The following EXOC4 variants were observed in gnomAD, a reference collection of about 807,000 sequenced individuals.
EXOC4 encodes exocyst complex component 4, also known as SEC8-like 1.
A neutral mutation model predicts 107.2 loss-of-function variants in EXOC4; 71 were observed. That is an observed-to-expected ratio of 0.66 (90% CI 0.55 to 0.81). The LOEUF is 0.81. EXOC4 is among the 30% of genes least tolerant of loss of function. The pLI is 0.00. For synonymous variants in EXOC4, 456 were observed against 441.2 expected (o/e 1.03, Z -0.42); for missense variants, 1,108 against 1,189.6 (o/e 0.93, Z 1.01).
At chr7:133,913,481 A>C (rs1057213169) in intron 12 of EXOC4, among the ~76,000 whole-genome samples, 1 of 152,200 alleles carries the variant, frequency 6.6e-6, no homozygotes, top group Non-Finnish European at 1.5e-5. Context: ...AATATAGGTT[A>C]ATAGCAGTGA....
rs111285661 is a variant in EXOC4 at position 133,539,902 on chromosome 7, T to G, written c.1417+59764T>G. Among the ~76,000 whole-genome samples, 244 of 152,194 alleles carry G rather than the reference T, an allele frequency of 1.6e-3. 1 individual carries two copies. The highest frequency in any genetic ancestry group is 5.7e-3 in the African/African-American group (237 of 41,540). ...AATGTCTATATGCTCTCCCAGAAGA[T>G]TCTAAGGAGGCATGCCCTAGGGGCA... On this transcript the variant is annotated intron_variant, in intron 9 of 17. Transcript: ENST00000253861.
chr7:133,583,421 C>A (rs562008091), intron 9 of EXOC4, among the ~76,000 whole-genome samples: 28 of 152,196 alleles, frequency 1.8e-4, no homozygotes, highest in African/African-American at 6.3e-4. Context: ...AATGGTGGCA[C>A]CCCAGGGACT....
chr7:133,780,200 C>G (rs1796434215), intron 10 of EXOC4, among the ~76,000 whole-genome samples: 1 of 151,086 alleles, frequency 6.6e-6, no homozygotes, highest in South Asian at 2.1e-4. Flanking sequence ...AAGCAGTGCC[C>G]TAAATGCTTT....
chr7:133,315,604 T>C (rs1339816574), intron 4 of EXOC4, among the ~76,000 whole-genome samples: 2 of 152,194 alleles, frequency 1.3e-5, no homozygotes, highest in Non-Finnish European at 2.9e-5. Context: ...AAATCTATTA[T>C]CTAATTTATT....
chr7:133,867,929 A>G (rs1585210481), intron 11 of EXOC4, among the ~76,000 whole-genome samples: 1 of 152,388 alleles, frequency 6.6e-6, no homozygotes, highest in African/African-American at 2.4e-5. Context: ...ATATGTGCTA[A>G]TGGCCTTCTC....
chr7:133,630,473 T>C (rs1294609951), intron 10 of EXOC4, among the ~76,000 whole-genome samples: 1 of 152,024 alleles, frequency 6.6e-6, no homozygotes, highest in Non-Finnish European at 1.5e-5. Context: ...AGAAATCTAC[T>C]CTGCACACGT....
At chr7:133,974,276 A>G (rs1369547170) in intron 14 of EXOC4, among the ~76,000 whole-genome samples, 1 of 152,228 alleles carries the variant, frequency 6.6e-6, no homozygotes, top group Non-Finnish European at 1.5e-5. Context: ...CTGTGGCTAT[A>G]TTAAGCACTG....
the EXOC4 span, among the ~76,000 whole-genome samples, chr7:134,073,475 T>C: frequency 6.6e-6 from 1 of 151,920 alleles, no homozygotes; most frequent in Non-Finnish European, 1.5e-5. Flanking sequence ...CAGCATATTA[T>C]GTGCATCTCA....
intron 7 of EXOC4, among the ~76,000 whole-genome samples, chr7:133,414,265 G>A (rs1425519392): frequency 6.6e-6 from 1 of 152,156 alleles, no homozygotes; most frequent in East Asian, 1.9e-4. Flanking sequence ...AAACCCTGGT[G>A]AGATTCCATT....
chr7:134,074,553 A>G, the EXOC4 span, among the ~76,000 whole-genome samples: 5 of 152,206 alleles, frequency 3.3e-5, no homozygotes, highest in Admixed American at 1.3e-4. Flanking sequence ...CAACCATCTC[A>G]TTTTTCAAAG....
intron 5 of EXOC4, among the ~76,000 whole-genome samples, chr7:133,354,509 G>A (rs1360401380): frequency 6.6e-6 from 1 of 152,074 alleles, no homozygotes; most frequent in East Asian, 1.9e-4. Context: ...TTAAAACGGG[G>A]AGCAAGAGAA....
intron 9 of EXOC4, among the ~76,000 whole-genome samples, chr7:133,483,194 G>A (rs548610476): frequency 6.6e-6 from 1 of 152,324 alleles, no homozygotes; most frequent in African/African-American, 2.4e-5. Flanking sequence ...GTGACAGAAT[G>A]AATGAGGACA....
rs574648754 is a variant in EXOC4, at chr7:133,937,655, G to A, written c.2028-236G>A. On this transcript the variant is annotated intron_variant, in intron 13 of 17. Transcript: ENST00000253861. ...ATAAATCAGGCCCATACTGGTCCCT[G>A]TTGAAGGCACAATCATTGGAGTCAC... Among the ~76,000 whole-genome samples, 4 of 152,192 alleles carry A rather than the reference G, an allele frequency of 2.6e-5. No individual in the cohort carries two copies. In the South Asian group the frequency reaches 8.3e-4, roughly 31 times the overall value.
At chr7:133,753,918 G>A (rs1212056454) in intron 10 of EXOC4, among the ~76,000 whole-genome samples, 1 of 152,164 alleles carries the variant, frequency 6.6e-6, no homozygotes, top group Non-Finnish European at 1.5e-5. Context: ...TGGAAAAAAG[G>A]GAAGAGAAGG....
chr7:133,492,719 C>G (rs1799395621), intron 9 of EXOC4, among the ~76,000 whole-genome samples: 1 of 151,896 alleles, frequency 6.6e-6, no homozygotes, highest in Non-Finnish European at 1.5e-5. Flanking sequence ...AATATGAATT[C>G]TTTAATTTTT....
chr7:133,725,516 C>G (rs1388691522), intron 10 of EXOC4, among the ~76,000 whole-genome samples: 1 of 152,160 alleles, frequency 6.6e-6, no homozygotes, highest in Non-Finnish European at 1.5e-5. Flanking sequence ...GCTGGGACTA[C>G]AAGCCCCCAC....
At chr7:133,499,289 T>C (rs540548565) in intron 9 of EXOC4, among the ~76,000 whole-genome samples, 3 of 152,286 alleles carry the variant, frequency 2.0e-5, no homozygotes, top group African/African-American at 7.2e-5. Flanking sequence ...TATATACCAA[T>C]CACTGGTATA....
intron 9 of EXOC4, among the ~76,000 whole-genome samples, chr7:133,591,222 G>T (rs1470910018): frequency 1.3e-5 from 2 of 152,056 alleles, no homozygotes; most frequent in African/African-American, 4.8e-5. Flanking sequence ...TTTGGAGATG[G>T]AATCTCACTA....
At chr7:133,653,820 T>C (rs557299884) in intron 10 of EXOC4, among the ~76,000 whole-genome samples, 47 of 152,188 alleles carry the variant, frequency 3.1e-4, no homozygotes, top group Non-Finnish European at 5.9e-4. Flanking sequence ...AATGGTGTAC[T>C]CTCTGTCCAC....
Sources: gnomAD v4.1 joint callset for allele counts (sites outside exome capture counted in the v4.1 genomes callset) on GRCh38, gnomAD v4.1.1 for gene constraint, MANE v1.5 for transcripts, NCBI Gene and HGNC (gene_info 2026-07-23, HGNC 2026-07-21) for gene names.